The following CD300C variants were observed in gnomAD, a reference collection of about 807,000 sequenced individuals.
CD300C encodes CD300c molecule.
In CD300C, 11 loss-of-function variants were observed where a neutral mutation model predicts 18.4. That is an observed-to-expected ratio of 0.60 (90% confidence interval 0.38 to 0.99). CD300C has a LOEUF of 0.99. Ranked by LOEUF, CD300C falls within the 50% of genes least tolerant of loss-of-function variation. The pLI, the probability that CD300C is intolerant of heterozygous loss-of-function variation, is 0.01. For synonymous variants in CD300C, 116 were observed against 116.3 expected (o/e 1.00, Z 0.02); for missense variants, 277 against 287.4 (o/e 0.96, Z 0.26).
chr17:74,540,527 C>T (rs1014205252), downstream of CD300C, among the ~76,000 whole-genome samples: 3 of 152,092 alleles, frequency 2.0e-5, no homozygotes, highest in East Asian at 5.8e-4. Flanking sequence ...AAGCATCTGC[C>T]GAATGGAAAA....
Position 74,542,744 on chromosome 17 carries a change from T to C in CD300C, c.527+117A>G. Reference sequence around the variant, plus strand: ...TGACACTTAATAGAACCTTCACGTTTGGTGTGGGAGGTGCGAACAAAGAAG... The same window carrying C: ...TGACACTTAATAGAACCTTCACGTTCGGTGTGGGAGGTGCGAACAAAGAAG... On this transcript the variant is annotated intron_variant, in intron 3 of 3. Coordinates refer to ENST00000330793, the MANE Select transcript of CD300C (RefSeq NM_006678.5). 2.5e-6 allele frequency: 3 copies of C among 1,221,548 alleles called. No homozygotes were observed. The South Asian group carries it at 4.4e-5, about 18-fold the overall frequency. 75.7% of individuals were successfully genotyped at this position (1,221,548 alleles called of 1,614,324 possible). A position where few individuals can be genotyped will look rare whatever the true frequency, so the allele number is the denominator to read the frequency against.
downstream of CD300C, among the ~76,000 whole-genome samples, chr17:74,539,690 C>G (rs1164078083): frequency 6.6e-6 from 1 of 152,214 alleles, no homozygotes; most frequent in Non-Finnish European, 1.5e-5. Flanking sequence ...CGACTCGGGT[C>G]TTTGTCCAGA....
downstream of CD300C, among the ~76,000 whole-genome samples, chr17:74,540,575 CAGG>C (rs974623711): frequency 3.9e-5 from 6 of 152,154 alleles, no homozygotes; most frequent in African/African-American, 1.4e-4. Context: ...CCTCCTTGAC[CAGG>C]AGGACTCATG....
chr17:74,545,433 C>A (rs766688787), intron 1 of CD300C, among the ~76,000 whole-genome samples: 1 of 151,844 alleles, frequency 6.6e-6, no homozygotes, highest in Non-Finnish European at 1.5e-5. Flanking sequence ...TGTGTGTGAT[C>A]GTCCCAGATA....
rs763633691 is a variant in CD300C at position 74,545,764 on chromosome 17, C to A, written c.19G>T (p.Ala7Ser). The change falls in exon 1 of 4, where the codon GCC becomes TCC. Residue 7 changes from alanine (A) to serine (S), a missense_variant. By Grantham distance (99) the Ala-to-Ser change is moderately conservative (BLOSUM62 1). Transcript: ENST00000330793. Reference sequence around the variant, plus strand: ...AGCAGAGCTGAAGACCGCCACGAGGCCCAGGCCCTGGCAGTCATTCCTGTA... The same window carrying A: ...AGCAGAGCTGAAGACCGCCACGAGGACCAGGCCCTGGCAGTCATTCCTGTA... MTARAW[A>S]SWRSSALLLL... 6.2e-7 allele frequency: 1 copy of A among 1,609,232 alleles called. No individual in the cohort carries two copies. The highest frequency in any genetic ancestry group is 1.3e-5 in the African/African-American group (1 of 74,874).
Position 74,544,675 on chromosome 17 carries a change from C to T in CD300C, c.334G>A (p.Val112Met). 4 of 1,614,232 alleles carry T rather than the reference C, an allele frequency of 2.5e-6. No homozygotes were observed. In the South Asian group the frequency reaches 4.4e-5, roughly 18 times the overall value. The change falls in exon 2 of 4, where the codon GTG becomes ATG. Residue 112 changes from valine to methionine, a missense_variant. Coordinates refer to ENST00000330793, the MANE Select transcript of CD300C (RefSeq NM_006678.5). ...EEDAGTYWCGVDTPWLRDFHD... is the reference protein window; with the variant it reads ...EEDAGTYWCGMDTPWLRDFHD... The stretch of plus-strand genomic sequence containing the variant: ...AAGTCTCGGAGCCACGGTGTATCCA[C>T]CCCACACCAGTAGGTGCCTGCGTCC...
rs189548190 is a variant in CD300C, at chr17:74,544,834, G to A, written c.175C>T (p.Pro59Ser). The change falls in exon 2 of 4, where the codon CCA becomes TCA. Residue 59 changes from proline (P) to serine (S), a missense_variant. Pro to Ser is a moderately conservative substitution (Grantham distance 74). Transcript: ENST00000330793. Reference protein sequence around the residue: ...HRTLNKFWCRPPQILRCDKIV... With the variant: ...HRTLNKFWCRSPQILRCDKIV... ...TTGTCACATCGGAGAATCTGTGGTG[G>A]TCTGCACCAGAATTTGTTGAGGGTC... 4.3e-6 allele frequency: 7 copies of A among 1,614,242 alleles called. No individual in the cohort carries two copies. The East Asian group carries it at 1.6e-4, about 36-fold the overall frequency.
At chr17:74,539,391 A>G (rs1020619218), downstream of CD300C, among the ~76,000 whole-genome samples, 15 of 152,260 alleles carry the variant, frequency 9.9e-5, no homozygotes, top group African/African-American at 3.1e-4. Context: ...CCCAGTGTTC[A>G]GGTCTGACCT....
At chr17:74,544,522 A>ACC (rs1908677853) in intron 2 of CD300C, 87 bp downstream of exon 2, 1 of 1,453,104 alleles carries the variant, frequency 6.9e-7, no homozygotes, top group Non-Finnish European at 9.4e-7. Context: ...CCAGGCTCAC[A>ACC]CCCTCCTGTT....
chr17:74,543,137 C>T, intron 2 of CD300C, 150 bp from the exon 3 acceptor site: 1 of 1,064,826 alleles, frequency 9.4e-7, no homozygotes. Context: ...CACACCCAGG[C>T]CTGACCAGGG....
chr17:74,542,561 AT>A (rs1908589796), intron 3 of CD300C, among the ~76,000 whole-genome samples: 1 of 152,186 alleles, frequency 6.6e-6, no homozygotes, highest in African/African-American at 2.4e-5. Context: ...AGAGTCAAAC[AT>A]CTCATCCCAG....
the CD300C span, among the ~76,000 whole-genome samples, chr17:74,534,686 A>G: frequency 6.6e-6 from 1 of 152,206 alleles, no homozygotes; most frequent in Non-Finnish European, 1.5e-5. Context: ...TGGGTAACAG[A>G]TCGTCTTCTC....
intron 3 of CD300C, among the ~76,000 whole-genome samples, chr17:74,542,105 G>A (rs907440936): frequency 2.0e-5 from 3 of 152,172 alleles, no homozygotes; most frequent in Non-Finnish European, 4.4e-5. Context: ...TGTACACAGC[G>A]TTTCCAGGAG....
intron 2 of CD300C, 85 bp from the exon 3 acceptor site, chr17:74,543,072 C>G: frequency 6.4e-7 from 1 of 1,552,220 alleles, no homozygotes; most frequent in South Asian, 1.1e-5. Context: ...TTTTCACAGA[C>G]AAGGTCACCA....
chr17:74,544,517 C>T, intron 2 of CD300C, 92 bp downstream of exon 2: 3 of 1,424,806 alleles, frequency 2.1e-6, no homozygotes, highest in Non-Finnish European at 1.9e-6. Flanking sequence ...AACCCCCAGG[C>T]TCACACCCTC....
chr17:74,540,225 A>AC (rs1224495576), downstream of CD300C, among the ~76,000 whole-genome samples: 7 of 151,478 alleles, frequency 4.6e-5, no homozygotes, highest in Admixed American at 4.6e-4. Context: ...CCTGGCGCTC[A>AC]CCCCCCTCCT....
At chr17:74,536,432 C>G (rs1215168745), downstream of CD300C, among the ~76,000 whole-genome samples, 1 of 150,240 alleles carries the variant, frequency 6.7e-6, no homozygotes, top group African/African-American at 2.4e-5. Flanking sequence ...ACTCGGGAGG[C>G]TGAGGCAGGA....
In CD300C at chr17:74,541,570, C is replaced by G; in HGVS notation, c.*19G>C. 6.3e-7 allele frequency: 1 copy of G among 1,580,774 alleles called. No homozygotes were observed. On this transcript the variant is annotated 3_prime_UTR_variant, in exon 4 of 4. Transcript: ENST00000330793. Reference sequence around the variant, plus strand: ...AGAGGGGCTCTGTTGCAGCACAGGGCCTTGATGGACAGCAGATGCTACTGG... The same window carrying G: ...AGAGGGGCTCTGTTGCAGCACAGGGGCTTGATGGACAGCAGATGCTACTGG...
chr17:74,545,212 C>G (rs1908711694), intron 1 of CD300C, among the ~76,000 whole-genome samples: 1 of 151,788 alleles, frequency 6.6e-6, no homozygotes, highest in Non-Finnish European at 1.5e-5. Flanking sequence ...GTGAGTGTGA[C>G]TCTGTGTGTG....
Sources: allele counts gnomAD v4.1 joint callset (sites outside exome capture counted in the v4.1 genomes callset), GRCh38; gene constraint gnomAD v4.1.1; transcripts MANE v1.5; gene names NCBI Gene and HGNC (gene_info 2026-07-23, HGNC 2026-07-21).